COPS7B: variants seen among roughly 807,000 people sequenced by gnomAD.
COPS7B encodes COP9 signalosome subunit 7B.
In COPS7B, 9 loss-of-function variants were observed where a neutral mutation model predicts 33.4. The ratio of observed to expected loss-of-function variants is 0.27; its 90% confidence interval spans 0.16 to 0.47. The LOEUF is 0.47. Among genes scored for constraint, COPS7B ranks in the 20% least tolerant of loss-of-function variants. The pLI, the probability that COPS7B is intolerant of heterozygous loss-of-function variation, is 0.99. For missense variants in COPS7B, 242 were observed against 318.2 expected, an observed-to-expected ratio of 0.76 and a Z score of 1.82; for synonymous variants, 119 against 126.3, an observed-to-expected ratio of 0.94 and a Z score of 0.39.
chr2:231,782,021 G>C, upstream of COPS7B: 2 of 738,840 alleles, frequency 2.7e-6, no homozygotes, highest in South Asian at 3.5e-5. Flanking sequence ...TTCCTGGTTT[G>C]CACCGGGAGA....
chr2:231,808,081 T>C lies in COPS7B; in HGVS notation c.*436T>C, dbSNP rs1415645575. 9.6e-6 allele frequency: 2 copies of C among 207,924 alleles called. No homozygotes were observed. The highest frequency in any genetic ancestry group is 1.9e-5 in the Non-Finnish European group (2 of 102,780). The allele number at this position is 207,924 out of a possible 1,614,324, so 12.9% of individuals were successfully genotyped here. A position where few individuals can be genotyped will look rare whatever the true frequency, so the allele number is the denominator to read the frequency against. ...GGGGGCACTCCTCTCCAGCCCCTGG[T>C]ACCACAGTCCTCACGATGGTGCAGT... On this transcript the variant is annotated 3_prime_UTR_variant, in exon 7 of 7. Coordinates refer to ENST00000350033, the MANE Select transcript of COPS7B (RefSeq NM_022730.4).
intron 6 of COPS7B, among the ~76,000 whole-genome samples, chr2:231,803,691 G>A (rs1004723295): frequency 1.3e-5 from 2 of 152,176 alleles, no homozygotes; most frequent in African/African-American, 2.4e-5. Flanking sequence ...GGGAGGCTGC[G>A]TTATGGTAGG....
chr2:231,801,232 C>T, intron 6 of COPS7B: 1 of 1,550,218 alleles, frequency 6.5e-7, no homozygotes. Context: ...TAAGAGCCCT[C>T]CTTCTTAATG....
intron 2 of COPS7B, chr2:231,790,373 G>A (rs1052355226): frequency 2.0e-5 from 3 of 152,178 alleles, no homozygotes; most frequent in Admixed American, 6.5e-5. Context: ...TTCTGAAAAG[G>A]GGGGCTAGAT....
chr2:231,788,260 C>T (rs1475891800), intron 1 of COPS7B, among the ~76,000 whole-genome samples: 69 of 152,094 alleles, frequency 4.5e-4, no homozygotes, highest in Non-Finnish European at 4.4e-5. Flanking sequence ...CCACAGCCTC[C>T]CAAGTAACTG....
intron 6 of COPS7B, among the ~76,000 whole-genome samples, chr2:231,800,813 G>A (rs1008060900): frequency 3.3e-5 from 5 of 152,348 alleles, no homozygotes; most frequent in African/African-American, 1.2e-4. Context: ...ACAGTCCATT[G>A]ACGTAATAAT....
In COPS7B at chr2:231,796,184, G is replaced by A. The variant is rs1263952766; in HGVS notation, c.406G>A (p.Val136Ile). The A allele has an allele frequency of 1.2e-6, 2 of 1,614,138 alleles. No individual in the cohort carries two copies. Among genetic ancestry groups the A allele is most frequent in the South Asian group, 1.1e-5 (1 of 91,086 alleles). ...ACTAGAAGACCTTATCATTGAGGCT[G>A]TCTACACTGACATCATCCAGGGCAA... ...RELEDLIIEAVYTDIIQGKLD... is the reference protein window; with the variant it reads ...RELEDLIIEAIYTDIIQGKLD... Residue 136 changes from valine to isoleucine, a missense_variant, in exon 5 of 7, where the codon GTC (valine) becomes ATC (isoleucine). Val to Ile is a conservative substitution (Grantham distance 29). Coordinates refer to ENST00000350033, the MANE Select transcript of COPS7B (RefSeq NM_022730.4).
chr2:231,799,452 T>C lies in COPS7B; in HGVS notation c.636+488T>C, dbSNP rs189212065. 4.1e-3 allele frequency among the ~76,000 whole-genome samples: 625 copies of C among 152,288 alleles called. 8 individuals are homozygous for C. The highest frequency in any genetic ancestry group is 0.014 in the Middle Eastern group (4 of 294). On this transcript the variant is annotated intron_variant, in intron 6 of 6. Coordinates refer to ENST00000350033, the MANE Select transcript of COPS7B (RefSeq NM_022730.4). ...GTGAACTGTACATATATATTATAAATGTGTAAAATGCATGACATGTTTCAT... is the reference window on the plus strand; with the variant it reads ...GTGAACTGTACATATATATTATAAACGTGTAAAATGCATGACATGTTTCAT...
chr2:231,805,427 A>T (rs1237035513), intron 6 of COPS7B, among the ~76,000 whole-genome samples: 18 of 124,970 alleles, frequency 1.4e-4, no homozygotes, highest in East Asian at 2.3e-4. Flanking sequence ...ATATATATAT[A>T]TATATTTTTT....
Position 231,808,390 on chromosome 2 carries a change from C to T in COPS7B, c.*745C>T. Reference sequence around the variant, plus strand: ...CTCCTGGCCACTCTTCCTGCTGCCTCTGACTACTCAGCCTTGTTTTCGGTG... The same window carrying T: ...CTCCTGGCCACTCTTCCTGCTGCCTTTGACTACTCAGCCTTGTTTTCGGTG... On this transcript the variant is annotated 3_prime_UTR_variant, in exon 7 of 7. Transcript: ENST00000350033. The T allele has an allele frequency of 2.1e-6, 1 of 469,634 alleles. No homozygotes were observed. The highest frequency in any genetic ancestry group is 4.4e-6 in the Non-Finnish European group (1 of 226,180). 29.1% of individuals were successfully genotyped at this position (469,634 alleles called of 1,614,324 possible). A position where few individuals can be genotyped will look rare whatever the true frequency, so the allele number is the denominator to read the frequency against.
At chr2:231,782,006 C>A (rs1400318411), upstream of COPS7B, 1 of 885,432 alleles carries the variant, frequency 1.1e-6, no homozygotes, top group Admixed American at 2.5e-5. Context: ...GGGTTTTTTG[C>A]TGTATTCCTG....
intron 3 of COPS7B, chr2:231,793,559 G>A (rs2049480938): frequency 6.6e-6 from 1 of 152,138 alleles, no homozygotes; most frequent in South Asian, 2.1e-4. Context: ...TATCATTTAT[G>A]GTTATTATTG....
chr2:231,786,610 C>G, intron 1 of COPS7B, 72 bp downstream of exon 1: 1 of 785,546 alleles, frequency 1.3e-6, no homozygotes, highest in African/African-American at 1.9e-5. Context: ...CGGCTTAGAG[C>G]CCGCCGCCAA....
Position 231,804,968 on chromosome 2 carries a change from C to G in COPS7B, c.637-2519C>G, listed in dbSNP as rs986390884. Among the ~76,000 whole-genome samples, 7 of 152,110 alleles carry G rather than the reference C, an allele frequency of 4.6e-5. No individual in the cohort carries two copies. The East Asian group carries it at 1.2e-3, about 25-fold the overall frequency. ...TAGAAAATATATCAAATTGGAGAAGCCTTAGAATGTTATTTTATAAAGCAG... is the reference window on the plus strand; with the variant it reads ...TAGAAAATATATCAAATTGGAGAAGGCTTAGAATGTTATTTTATAAAGCAG... On this transcript the variant is annotated intron_variant, in intron 6 of 6. Transcript: ENST00000350033.
intron 1 of COPS7B, 119 bp downstream of exon 1, chr2:231,786,657 G>T: frequency 3.0e-6 from 1 of 333,776 alleles, no homozygotes; most frequent in Non-Finnish European, 4.3e-6. Context: ...CCCCCGCCTT[G>T]GGGAGCGCGT....
intron 1 of COPS7B, among the ~76,000 whole-genome samples, chr2:231,787,140 C>A (rs1195214029): frequency 1.3e-5 from 2 of 152,184 alleles, no homozygotes; most frequent in African/African-American, 2.4e-5. Context: ...TTTCCTTCTT[C>A]CTCGTATCCT....
intron 6 of COPS7B, among the ~76,000 whole-genome samples, chr2:231,800,878 G>A (rs1272876431): frequency 6.6e-6 from 1 of 152,216 alleles, no homozygotes; most frequent in African/African-American, 2.4e-5. Context: ...CATGGCCAAA[G>A]CTTAGGACCT....
chr2:231,786,361 T>G, upstream of COPS7B: 5 of 829,166 alleles, frequency 6.0e-6, no homozygotes, highest in South Asian at 5.5e-5. Context: ...GGTGGAACCT[T>G]GTGTGGGCGG....
intron 6 of COPS7B, among the ~76,000 whole-genome samples, chr2:231,804,062 G>A (rs1170316389): frequency 6.6e-6 from 1 of 152,058 alleles, no homozygotes; most frequent in East Asian, 1.9e-4. Flanking sequence ...AATAAATGCC[G>A]GTTGTCACTT....
Sources: gnomAD v4.1 joint callset for allele counts (sites outside exome capture counted in the v4.1 genomes callset) on GRCh38, gnomAD v4.1.1 for gene constraint, MANE v1.5 for transcripts, NCBI Gene and HGNC (gene_info 2026-07-23, HGNC 2026-07-21) for gene names.